The following ADAMTS17 variants were observed in gnomAD, a reference collection of about 807,000 sequenced individuals.
ADAMTS17 encodes the protein ADAM metallopeptidase with thrombospondin type 1 motif 17.
Under a neutral mutation model 141.5 loss-of-function variants are expected in ADAMTS17, and 113 were observed. That is an observed-to-expected ratio of 0.80 (90% CI 0.69 to 0.93). The LOEUF is 0.93. Ranked by LOEUF, ADAMTS17 falls within the 40% of genes least tolerant of loss-of-function variation. The probability of loss-of-function intolerance (pLI) is 0.00; values close to 1 mark genes in which losing one functional copy is unlikely to be tolerated. For synonymous variants in ADAMTS17, 768 were observed against 630.6 expected (o/e 1.22, Z -3.27); for missense variants, 1,659 against 1,517.9 (o/e 1.09, Z -1.54).
chr15:100,180,671 T>C (rs1448086963), intron 8 of ADAMTS17, among the ~76,000 whole-genome samples: 4 of 152,256 alleles, frequency 2.6e-5, no homozygotes, highest in African/African-American at 9.6e-5. Flanking sequence ...CTTTCCATTT[T>C]TTTTGAGTCC....
At chr15:100,003,359 T>C (rs1029021678) in intron 18 of ADAMTS17, among the ~76,000 whole-genome samples, 2 of 151,566 alleles carry the variant, frequency 1.3e-5, no homozygotes, top group African/African-American at 4.9e-5. Context: ...GCAGAGGAGG[T>C]GAACACGGGG....
chr15:100,145,434 A>C (rs1293382259), intron 10 of ADAMTS17, among the ~76,000 whole-genome samples: 1 of 152,224 alleles, frequency 6.6e-6, no homozygotes, highest in Non-Finnish European at 1.5e-5. Context: ...ATATTAAAGA[A>C]GGCCAACATT....
chr15:100,338,254 C>A (rs1354494690), intron 2 of ADAMTS17, among the ~76,000 whole-genome samples: 2 of 152,056 alleles, frequency 1.3e-5, no homozygotes, highest in Non-Finnish European at 2.9e-5. Context: ...TCTCCATGGC[C>A]CCTAAACAGC....
intron 8 of ADAMTS17, among the ~76,000 whole-genome samples, chr15:100,197,057 G>C (rs2041146065): frequency 6.6e-6 from 1 of 152,232 alleles, no homozygotes; most frequent in Non-Finnish European, 1.5e-5. Flanking sequence ...GTACTAAAGT[G>C]TGTTTGAATC....
chr15:100,136,291 T>G (rs946188183), intron 10 of ADAMTS17, among the ~76,000 whole-genome samples: 1 of 152,188 alleles, frequency 6.6e-6, no homozygotes, highest in Non-Finnish European at 1.5e-5. Flanking sequence ...GGAGTCAGGA[T>G]AGTGGCTACC....
At chr15:100,214,639 T>A (rs936478625) in intron 7 of ADAMTS17, among the ~76,000 whole-genome samples, 1 of 152,250 alleles carries the variant, frequency 6.6e-6, no homozygotes, top group African/African-American at 2.4e-5. Flanking sequence ...TATTGGCCAC[T>A]TCTTAATGGT....
At chr15:100,279,933 C>A (rs1423732796) in intron 4 of ADAMTS17, among the ~76,000 whole-genome samples, 1 of 152,172 alleles carries the variant, frequency 6.6e-6, no homozygotes, top group African/African-American at 2.4e-5. Flanking sequence ...GTTAACCAGG[C>A]TCCTCCTGCA....
At chr15:100,007,837 G>A (rs1211584218) in intron 18 of ADAMTS17, among the ~76,000 whole-genome samples, 1 of 152,092 alleles carries the variant, frequency 6.6e-6, no homozygotes. Context: ...CATGAGCAAA[G>A]GAGGTCAAGG....
intron 3 of ADAMTS17, among the ~76,000 whole-genome samples, chr15:100,284,749 C>A (rs1299719495): frequency 6.6e-6 from 1 of 152,164 alleles, no homozygotes; most frequent in Non-Finnish European, 1.5e-5. Context: ...CCCTAAACTG[C>A]AAAAATATGC....
Position 100,340,938 on chromosome 15 carries a change from G to A in ADAMTS17, c.450+101C>T, listed in dbSNP as rs1024625176. Reference sequence around the variant, plus strand: ...GGGGTTCCCTCCGGTTCCCCTGGAGGCTGGACTTCCAGCAGAGGCGCCCCA... The same window carrying A: ...GGGGTTCCCTCCGGTTCCCCTGGAGACTGGACTTCCAGCAGAGGCGCCCCA... On this transcript the variant is annotated intron_variant, in intron 2 of 21. Coordinates refer to ENST00000268070, the MANE Select transcript of ADAMTS17 (RefSeq NM_139057.4). 5 of 1,484,670 alleles carry A rather than the reference G, an allele frequency of 3.4e-6. No individual in the cohort carries two copies. The African/African-American group carries it at 5.6e-5, about 17-fold the overall frequency. 92.0% of individuals were successfully genotyped at this position (1,484,670 alleles called of 1,614,324 possible).
intron 8 of ADAMTS17, among the ~76,000 whole-genome samples, chr15:100,176,531 C>G (rs1432588750): frequency 1.3e-5 from 2 of 152,148 alleles, no homozygotes; most frequent in Non-Finnish European, 2.9e-5. Context: ...TTGCATGCAC[C>G]CTTCCCCCAG....
At chr15:100,197,581 A>G (rs2041167682) in intron 8 of ADAMTS17, among the ~76,000 whole-genome samples, 2 of 152,208 alleles carry the variant, frequency 1.3e-5, no homozygotes, top group African/African-American at 2.4e-5. Flanking sequence ...AATTGTCGCC[A>G]GTATTTTTAA....
intron 8 of ADAMTS17, among the ~76,000 whole-genome samples, chr15:100,179,099 T>C (rs2040435492): frequency 6.6e-6 from 1 of 152,220 alleles, no homozygotes; most frequent in East Asian, 1.9e-4. Flanking sequence ...GTATACTTTT[T>C]TAGTTATTTA....
chr15:100,249,509 G>C (rs1333797312), intron 7 of ADAMTS17, among the ~76,000 whole-genome samples: 1 of 152,224 alleles, frequency 6.6e-6, no homozygotes, highest in Non-Finnish European at 1.5e-5. Flanking sequence ...ACCCTGGGCT[G>C]TTGGGGGGAG....
chr15:100,065,987 G>A (rs971301421), intron 15 of ADAMTS17, among the ~76,000 whole-genome samples: 1 of 152,126 alleles, frequency 6.6e-6, no homozygotes, highest in East Asian at 1.9e-4. Flanking sequence ...TTGGTTTTCT[G>A]TTTTTGTGTT....
rs1236872733 is a variant in ADAMTS17 at position 100,109,066 on chromosome 15, G to T, written c.1939C>A (p.Leu647Met). 2.5e-6 allele frequency: 4 copies of T among 1,613,916 alleles called. No individual in the cohort carries two copies. Among genetic ancestry groups the T allele is most frequent in the Non-Finnish European group, 3.4e-6 (4 of 1,180,010 alleles). Reference protein sequence around the residue: ...CSPLGKESPLLVADRVLDGTP... With the variant: ...CSPLGKESPLMVADRVLDGTP... ...CCGTCCAGGACCCTGTCGGCCACCA[G>T]CAGTGGGGACTCCTTCCCGAGGGGC... Residue 647 changes from leucine to methionine, a missense_variant, in exon 14 of 22, where the codon CTG (leucine) becomes ATG (methionine). Physicochemically the swap from Leu to Met is conservative, Grantham distance 15. Transcript: ENST00000268070.
intron 5 of ADAMTS17, among the ~76,000 whole-genome samples, chr15:100,261,973 G>A (rs529214062): frequency 1.3e-4 from 20 of 152,282 alleles, no homozygotes; most frequent in African/African-American, 4.3e-4. Flanking sequence ...GTGGGAAGGC[G>A]CTCCATTGAA....
rs779380911 is a variant in ADAMTS17 at position 100,341,837 on chromosome 15, T to C, written c.63A>G (p.Gly21=). The C allele has an allele frequency of 6.1e-5, 95 of 1,551,940 alleles. No homozygotes were observed. The highest frequency in any genetic ancestry group is 5.8e-5 in the Non-Finnish European group (66 of 1,147,814). ...GGGCGCTACCTGTGCCCGGGTCCAG[T>C]CCCCAAACCAGCAGCAGCAGCACGG... ...VLPVLLLLVW[G]LDPGTAVGDA... The change falls in exon 1 of 22, where the codon GGA becomes GGG. Residue 21 remains glycine (G), a synonymous_variant. Coordinates refer to ENST00000268070, the MANE Select transcript of ADAMTS17 (RefSeq NM_139057.4).
In ADAMTS17 at chr15:99,974,483, G is replaced by A. The variant is rs376675165; in HGVS notation, c.3207C>T (p.Asp1069=). ...RVIREKNLCQ[D]MRWYQRCCQT... ...GGCAGCAGCGCTGGTACCACCGCATGTCCTGGCAGAGGTTCTTTTCTCGGA... is the reference window on the plus strand; with the variant it reads ...GGCAGCAGCGCTGGTACCACCGCATATCCTGGCAGAGGTTCTTTTCTCGGA... The change falls in exon 22 of 22, where the codon GAC becomes GAT. Residue 1069 remains aspartate (D), a synonymous_variant. Coordinates refer to ENST00000268070, the MANE Select transcript of ADAMTS17 (RefSeq NM_139057.4). 3 of 1,614,140 alleles carry A rather than the reference G, an allele frequency of 1.9e-6. No homozygotes were observed. The highest frequency in any genetic ancestry group is 3.3e-5 in the Admixed American group (2 of 60,012).
Sources: allele counts gnomAD v4.1 joint callset (sites outside exome capture counted in the v4.1 genomes callset), GRCh38; gene constraint gnomAD v4.1.1; transcripts MANE v1.5; gene names NCBI Gene and HGNC (gene_info 2026-07-23, HGNC 2026-07-21).